The following CLSTN2 variants were observed in gnomAD, a reference collection of about 807,000 sequenced individuals.
CLSTN2 encodes calsyntenin 2.
Under a neutral mutation model 101.2 loss-of-function variants are expected in CLSTN2, and 48 were observed. That is an observed-to-expected ratio of 0.47 (90% CI 0.38 to 0.60). The LOEUF is 0.60. Ranked by LOEUF, CLSTN2 falls within the 20% of genes least tolerant of loss-of-function variation. The pLI is 0.00. For synonymous variants in CLSTN2, 481 were observed against 463.6 expected, an observed-to-expected ratio of 1.04 and a Z score of -0.48; for missense variants, 1,160 against 1,238.2, an observed-to-expected ratio of 0.94 and a Z score of 0.95.
intron 1 of CLSTN2, among the ~76,000 whole-genome samples, chr3:140,075,717 G>C (rs1329530802): frequency 6.6e-6 from 1 of 152,136 alleles, no homozygotes; most frequent in African/African-American, 2.4e-5. Context: ...AAGGAACGTG[G>C]TCCAGTCAAA....
chr3:139,997,066 A>G (rs1325917143), intron 1 of CLSTN2, among the ~76,000 whole-genome samples: 2 of 151,308 alleles, frequency 1.3e-5, no homozygotes, highest in African/African-American at 4.8e-5. Context: ...AAAAAAAAAA[A>G]GAAAAGGAAA....
At chr3:140,329,514 C>G (rs2087361757) in intron 2 of CLSTN2, among the ~76,000 whole-genome samples, 1 of 152,052 alleles carries the variant, frequency 6.6e-6, no homozygotes, top group South Asian at 2.1e-4. Flanking sequence ...TGCTGTGTAC[C>G]AGGCATTCAC....
chr3:140,111,193 T>C (rs1401647000), intron 1 of CLSTN2, among the ~76,000 whole-genome samples: 3 of 152,134 alleles, frequency 2.0e-5, no homozygotes. Flanking sequence ...CTCTATTTTA[T>C]GCTTTGTATT....
At chr3:140,467,208 G>A (rs909504304) in intron 8 of CLSTN2, among the ~76,000 whole-genome samples, 2 of 152,146 alleles carry the variant, frequency 1.3e-5, no homozygotes, top group African/African-American at 4.8e-5. Context: ...TTCTGAAGTG[G>A]AAAAATCTGT....
intron 2 of CLSTN2, among the ~76,000 whole-genome samples, chr3:140,360,350 G>A (rs1367242161): frequency 6.6e-6 from 1 of 152,164 alleles, no homozygotes; most frequent in East Asian, 1.9e-4. Flanking sequence ...AAGTGAGAAA[G>A]TGACTTAATA....
At chr3:140,121,865 C>T (rs574192776) in intron 1 of CLSTN2, among the ~76,000 whole-genome samples, 11 of 152,254 alleles carry the variant, frequency 7.2e-5, no homozygotes, top group East Asian at 5.8e-4. Context: ...AGGAGGACTA[C>T]GCTGCCAACA....
intron 1 of CLSTN2, among the ~76,000 whole-genome samples, chr3:140,156,133 T>A (rs186211169): frequency 6.6e-6 from 1 of 152,286 alleles, no homozygotes; most frequent in Non-Finnish European, 1.5e-5. Context: ...GGATAGCAAA[T>A]AAGTTTTATC....
intron 8 of CLSTN2, among the ~76,000 whole-genome samples, chr3:140,484,063 G>A (rs1195625579): frequency 6.6e-6 from 1 of 152,130 alleles, no homozygotes; most frequent in East Asian, 1.9e-4. Flanking sequence ...AGCCTTGATG[G>A]TCTTTACAAT....
chr3:139,954,786 G>A (rs888512525), intron 1 of CLSTN2, among the ~76,000 whole-genome samples: 3 of 152,026 alleles, frequency 2.0e-5, no homozygotes, highest in Non-Finnish European at 4.4e-5. Context: ...ACCATAGCTT[G>A]TGCATAGGTC....
intron 8 of CLSTN2, among the ~76,000 whole-genome samples, chr3:140,515,688 T>C (rs1211352191): frequency 6.6e-6 from 1 of 152,152 alleles, no homozygotes; most frequent in Non-Finnish European, 1.5e-5. Flanking sequence ...GAGGGTTCTT[T>C]TTGGAGTTGA....
At chr3:140,089,933 C>A (rs1345330981) in intron 1 of CLSTN2, among the ~76,000 whole-genome samples, 1 of 142,032 alleles carries the variant, frequency 7.0e-6, no homozygotes, top group Non-Finnish European at 1.5e-5. Flanking sequence ...AGAGAAAAAA[C>A]CTGAGAGGGG....
chr3:140,546,015 G>A (rs1935576689), intron 9 of CLSTN2, among the ~76,000 whole-genome samples: 1 of 152,202 alleles, frequency 6.6e-6, no homozygotes, highest in Non-Finnish European at 1.5e-5. Flanking sequence ...CGAGCTTTGA[G>A]GTCAGACAGA....
chr3:140,169,690 TA>T (rs1461009476), intron 1 of CLSTN2, among the ~76,000 whole-genome samples: 1 of 152,222 alleles, frequency 6.6e-6, no homozygotes, highest in Non-Finnish European at 1.5e-5. Flanking sequence ...AGATGCTTTT[TA>T]AAAGACTTTT....
intron 2 of CLSTN2, among the ~76,000 whole-genome samples, chr3:140,288,610 A>C (rs1339698616): frequency 2.0e-5 from 3 of 152,174 alleles, no homozygotes; most frequent in Non-Finnish European, 4.4e-5. Context: ...GGCTTGAGGA[A>C]ATGCTGATCA....
chr3:140,078,574 G>C (rs535395672), intron 1 of CLSTN2, among the ~76,000 whole-genome samples: 1 of 152,280 alleles, frequency 6.6e-6, no homozygotes, highest in African/African-American at 2.4e-5. Flanking sequence ...CCACAGCCTG[G>C]AATTATTATG....
intron 5 of CLSTN2, among the ~76,000 whole-genome samples, chr3:140,442,273 C>T (rs1932942558): frequency 6.6e-6 from 1 of 152,146 alleles, no homozygotes; most frequent in Admixed American, 6.5e-5. Flanking sequence ...CTTTTACACT[C>T]TGGGACACCA....
At chr3:140,413,108 G>T (rs187523242) in intron 4 of CLSTN2, among the ~76,000 whole-genome samples, 13 of 152,068 alleles carry the variant, frequency 8.5e-5, no homozygotes, top group Middle Eastern at 3.4e-3. Context: ...CACCAAGTTT[G>T]TTTTTTTAAA....
chr3:140,075,095 G>A (rs1465839787), intron 1 of CLSTN2, among the ~76,000 whole-genome samples: 1 of 152,128 alleles, frequency 6.6e-6, no homozygotes, highest in East Asian at 1.9e-4. Context: ...TTCTTTTTGT[G>A]AGCCTCACCA....
intron 2 of CLSTN2, among the ~76,000 whole-genome samples, chr3:140,382,184 A>G (rs11717522): frequency 0.43 from 64,940 of 152,090 alleles, 15,430 homozygotes; most frequent in Non-Finnish European, 0.55. Flanking sequence ...CCATCCTAAC[A>G]TTTAACACAG....
Sources: allele counts gnomAD v4.1 joint callset (sites outside exome capture counted in the v4.1 genomes callset), GRCh38; gene constraint gnomAD v4.1.1; transcripts MANE v1.5; gene names NCBI Gene and HGNC (gene_info 2026-07-23, HGNC 2026-07-21).